The following RAB35 variants were observed in gnomAD, a reference collection of about 807,000 sequenced individuals.
RAB35 encodes RAB35, member RAS oncogene family.
Under a neutral mutation model 28.9 loss-of-function variants are expected in RAB35, and 4 were observed. That is an observed-to-expected ratio of 0.14 (90% CI 0.07 to 0.32). The LOEUF (loss-of-function observed/expected upper bound fraction) is 0.32, where lower values mean the gene tolerates loss of function less well. Among genes scored for constraint, RAB35 ranks in the 10% least tolerant of loss-of-function variants. The pLI is 1.00. For missense variants in RAB35, 128 were observed against 274.0 expected (o/e 0.47, Z 3.76); for synonymous variants, 99 against 105.1 (o/e 0.94, Z 0.35).
At position 120,103,948 on chromosome 12, in the gene RAB35, G is replaced by A. The variant is rs1186519373; in HGVS notation, c.105C>T (p.Gly35=). 2 of 1,613,980 alleles carry A rather than the reference G, an allele frequency of 1.2e-6. No individual in the cohort carries two copies. The highest frequency in any genetic ancestry group is 1.1e-5 in the South Asian group (1 of 91,088). Residue 35 remains glycine (G), a splice_region_variant and synonymous_variant, in exon 3 of 6, where the codon GGC becomes GGT. Coordinates refer to ENST00000229340, the MANE Select transcript of RAB35 (RefSeq NM_006861.7). The surrounding 1 kb of genome is among the most constrained non-coding windows in gnomAD (Gnocchi z 6.1). ...LLRFADNTFS[G]SYITTIGVDF... ...CCACTCCGATCGTGGTGATGTAGCT[G>A]CCTGCACACACAGGGCAGTTAACGA...
chr12:120,112,656 T>C (rs1044457327), intron 1 of RAB35, among the ~76,000 whole-genome samples: 1 of 151,296 alleles, frequency 6.6e-6, no homozygotes, highest in African/African-American at 2.4e-5. Context: ...TCTCAAACTC[T>C]TGGGCTCAAG....
intron 1 of RAB35, among the ~76,000 whole-genome samples, chr12:120,111,680 CAAAAA>C (rs967845441): frequency 7.2e-6 from 1 of 138,974 alleles, no homozygotes; most frequent in South Asian, 2.5e-4. Context: ...GACTCCATCT[CAAAAA>C]AAAAAAGCCA....
chr12:120,100,675 G>C (rs577746474), intron 3 of RAB35, among the ~76,000 whole-genome samples: 1 of 152,204 alleles, frequency 6.6e-6, no homozygotes, highest in African/African-American at 2.4e-5. Flanking sequence ...TCCTCAACAC[G>C]ACCGCTGGGA....
At chr12:120,097,490 T>TA (rs1439503990) in intron 5 of RAB35, 117 bp from the exon 6 acceptor site, 13 of 747,566 alleles carry the variant, frequency 1.7e-5, no homozygotes, top group East Asian at 1.5e-4. Context: ...GCATTTTTGG[T>TA]ATGTATGTCT....
chr12:120,112,843 G>A (rs1450973104), intron 1 of RAB35, among the ~76,000 whole-genome samples: 1 of 150,886 alleles, frequency 6.6e-6, no homozygotes, highest in Non-Finnish European at 1.5e-5. Flanking sequence ...TCCTGTCTCA[G>A]CCTCCCACAT....
intron 1 of RAB35, among the ~76,000 whole-genome samples, chr12:120,112,564 G>A (rs924503690): frequency 2.6e-5 from 4 of 151,754 alleles, no homozygotes; most frequent in African/African-American, 9.7e-5. Context: ...CCAAGTAGCT[G>A]AGACCACAGG....
intron 1 of RAB35, among the ~76,000 whole-genome samples, chr12:120,112,235 C>T (rs1232643101): frequency 1.3e-5 from 2 of 152,112 alleles, no homozygotes; most frequent in Admixed American, 6.6e-5. Context: ...GCCTCGGCCT[C>T]CCAAAGTGCT....
Position 120,096,622 on chromosome 12 carries a change from T to G in RAB35, c.*623A>C. On this transcript the variant is annotated 3_prime_UTR_variant, in exon 6 of 6. Transcript: ENST00000229340. ...CCTCTGTGGAACTGCAGGGCCTGCCTTGAGACCAGGTTCCCCAGCTCCCAG... is the reference window on the plus strand; with the variant it reads ...CCTCTGTGGAACTGCAGGGCCTGCCGTGAGACCAGGTTCCCCAGCTCCCAG... 7.8e-7 allele frequency: 1 copy of G among 1,289,874 alleles called. No individual in the cohort carries two copies. Among genetic ancestry groups the G allele is most frequent in the Non-Finnish European group, 1.0e-6 (1 of 988,884 alleles). 79.9% of individuals were successfully genotyped at this position (1,289,874 alleles called of 1,614,324 possible). A position where few individuals can be genotyped will look rare whatever the true frequency, so the allele number is the denominator to read the frequency against.
chr12:120,100,112 C>T (rs1322076743), intron 3 of RAB35, among the ~76,000 whole-genome samples: 3 of 152,212 alleles, frequency 2.0e-5, no homozygotes, highest in African/African-American at 7.2e-5. Context: ...TAATTACCTC[C>T]ACCCCCATGA....
intron 3 of RAB35, among the ~76,000 whole-genome samples, chr12:120,101,158 C>A (rs1344537560): frequency 6.6e-6 from 1 of 152,220 alleles, no homozygotes; most frequent in African/African-American, 2.4e-5. Context: ...TTTCCCATGG[C>A]CACCAGGAAT....
At chr12:120,116,283 G>A (rs1243954772) in intron 1 of RAB35, among the ~76,000 whole-genome samples, 3 of 152,144 alleles carry the variant, frequency 2.0e-5, no homozygotes, top group East Asian at 3.9e-4. Context: ...AGGTCAGCGC[G>A]AGGCAGGTGG....
chr12:120,101,917 G>T (rs1420905127), intron 3 of RAB35, among the ~76,000 whole-genome samples: 1 of 152,220 alleles, frequency 6.6e-6, no homozygotes, highest in East Asian at 1.9e-4. Flanking sequence ...CTGCATGATG[G>T]CAGGGAGGGG....
chr12:120,115,397 A>G (rs1003916908), intron 1 of RAB35, among the ~76,000 whole-genome samples: 2 of 152,124 alleles, frequency 1.3e-5, no homozygotes, highest in African/African-American at 4.8e-5. Flanking sequence ...GCCTCCAATC[A>G]TAAGACATCC....
intron 2 of RAB35, among the ~76,000 whole-genome samples, chr12:120,105,902 G>A (rs529439706): frequency 7.5e-6 from 1 of 133,976 alleles, no homozygotes; most frequent in East Asian, 2.2e-4. Flanking sequence ...GGGCGACAGA[G>A]CGAGACTCCG....
chr12:120,114,186 C>T (rs180675975), intron 1 of RAB35, among the ~76,000 whole-genome samples: 23 of 152,300 alleles, frequency 1.5e-4, no homozygotes, highest in Admixed American at 1.2e-3. Context: ...TTCCGCCTAC[C>T]AGGTTCAAGC....
chr12:120,097,429 G>T, intron 5 of RAB35, 56 bp from the exon 6 acceptor site: 1 of 1,464,670 alleles, frequency 6.8e-7, no homozygotes, highest in Non-Finnish European at 9.3e-7. Context: ...GGCCCCTGCT[G>T]GCCTGCACGG....
At chr12:120,102,331 C>T (rs547558180) in intron 3 of RAB35, among the ~76,000 whole-genome samples, 26 of 152,360 alleles carry the variant, frequency 1.7e-4, no homozygotes, top group African/African-American at 4.8e-4. Context: ...TGAGGGCTTG[C>T]CTCGCCTGGG....
At chr12:120,102,464 G>A (rs747177672) in intron 3 of RAB35, among the ~76,000 whole-genome samples, 2 of 152,178 alleles carry the variant, frequency 1.3e-5, no homozygotes, top group Admixed American at 6.5e-5. Flanking sequence ...GCTCATCAAC[G>A]GTCACCACAC....
intron 1 of RAB35, among the ~76,000 whole-genome samples, chr12:120,112,728 CCTT>C (rs1876170642): frequency 8.9e-6 from 1 of 112,810 alleles, no homozygotes; most frequent in Admixed American, 1.1e-4. Flanking sequence ...CGTGCCTGGA[CCTT>C]TTTTTTTTTT....
Sources: allele counts gnomAD v4.1 joint callset (sites outside exome capture counted in the v4.1 genomes callset), GRCh38; gene constraint gnomAD v4.1.1; non-coding constraint Gnocchi (gnomAD v3.1); transcripts MANE v1.5; gene names NCBI Gene and HGNC (gene_info 2026-07-23, HGNC 2026-07-21).